KCNIP1: variants seen among roughly 807,000 people sequenced by gnomAD.
KCNIP1 encodes the protein potassium voltage-gated channel interacting protein 1.
In KCNIP1, 18 loss-of-function variants were observed where a neutral mutation model predicts 33.0. That is an observed-to-expected ratio of 0.55 (90% CI 0.38 to 0.81). The LOEUF is 0.81. Among genes scored for constraint, KCNIP1 ranks in the 30% least tolerant of loss-of-function variants. The pLI is 0.00. For synonymous variants in KCNIP1, 93 were observed against 98.3 expected, an observed-to-expected ratio of 0.95 and a Z score of 0.32; for missense variants, 238 against 271.6, an observed-to-expected ratio of 0.88 and a Z score of 0.87.
intron 1 of KCNIP1, among the ~76,000 whole-genome samples, chr5:170,639,795 G>A (rs538760994): frequency 1.1e-4 from 17 of 152,164 alleles, no homozygotes; most frequent in Non-Finnish European, 1.8e-4. Flanking sequence ...CTGCTCTGAC[G>A]TAGTGACTCA....
intron 1 of KCNIP1, among the ~76,000 whole-genome samples, chr5:170,652,531 A>C (rs1761088198): frequency 1.6e-5 from 1 of 60,958 alleles, no homozygotes; most frequent in South Asian, 6.2e-4. Flanking sequence ...AAAAGAAAAA[A>C]GAAAAGAAAA....
intron 1 of KCNIP1, among the ~76,000 whole-genome samples, chr5:170,601,653 C>T (rs999686791): frequency 6.6e-6 from 1 of 152,176 alleles, no homozygotes; most frequent in African/African-American, 2.4e-5. Flanking sequence ...AAAAAGATTG[C>T]ACTCATTTCG....
intron 1 of KCNIP1, among the ~76,000 whole-genome samples, chr5:170,592,984 C>A (rs189258216): frequency 1.3e-5 from 2 of 152,068 alleles, no homozygotes; most frequent in Non-Finnish European, 2.9e-5. Flanking sequence ...AGAAGAAAAT[C>A]AAAGTCAGCA....
intron 1 of KCNIP1, among the ~76,000 whole-genome samples, chr5:170,615,920 G>A (rs1190526307): frequency 6.6e-6 from 1 of 152,206 alleles, no homozygotes; most frequent in African/African-American, 2.4e-5. Context: ...TGGGTTTGTT[G>A]TTGTTTTACT....
chr5:170,454,862 A>G (rs956997295), intron 1 of KCNIP1, among the ~76,000 whole-genome samples: 1 of 152,200 alleles, frequency 6.6e-6, no homozygotes, highest in Admixed American at 6.5e-5. Flanking sequence ...ACAAAGTTCA[A>G]TGAAGGTTAA....
At chr5:170,416,630 G>A (rs1371164374) in intron 1 of KCNIP1, among the ~76,000 whole-genome samples, 1 of 149,870 alleles carries the variant, frequency 6.7e-6, no homozygotes, top group East Asian at 1.9e-4. Flanking sequence ...TATCTCCGGT[G>A]TAAGAAGACA....
intron 1 of KCNIP1, among the ~76,000 whole-genome samples, chr5:170,594,334 T>C (rs1042088911): frequency 2.6e-5 from 4 of 152,118 alleles, no homozygotes; most frequent in Non-Finnish European, 5.9e-5. Context: ...TGTCCCATCT[T>C]GGGTATGTCT....
At chr5:170,710,381 T>C (rs1050509818) in intron 1 of KCNIP1, among the ~76,000 whole-genome samples, 2 of 152,272 alleles carry the variant, frequency 1.3e-5, no homozygotes, top group African/African-American at 4.8e-5. Flanking sequence ...TAGCTTTTTG[T>C]ATATTTTCTT....
chr5:170,715,501 C>T (rs2113863380), intron 1 of KCNIP1, among the ~76,000 whole-genome samples: 1 of 152,278 alleles, frequency 6.6e-6, no homozygotes, highest in East Asian at 1.9e-4. Context: ...TGAGAATTTC[C>T]TGTGTAGCAT....
chr5:170,708,556 AATTACC>A (rs1218269276), intron 1 of KCNIP1, among the ~76,000 whole-genome samples: 13 of 152,196 alleles, frequency 8.5e-5, no homozygotes, highest in Admixed American at 5.2e-4. Context: ...TTTAGTTCAA[AATTACC>A]ATGATTTAAT....
At chr5:170,669,614 G>A (rs1461554876) in intron 1 of KCNIP1, 2 of 985,300 alleles carry the variant, frequency 2.0e-6, no homozygotes, top group Non-Finnish European at 2.4e-6. Context: ...TCAGCAGAAG[G>A]TTATACCATT....
intron 1 of KCNIP1, among the ~76,000 whole-genome samples, chr5:170,593,628 T>C (rs1758342468): frequency 6.6e-6 from 1 of 152,238 alleles, no homozygotes; most frequent in African/African-American, 2.4e-5. Context: ...AGGGAGAATT[T>C]AAGAGGTATT....
chr5:170,734,556 T>C (rs796840259), intron 7 of KCNIP1, among the ~76,000 whole-genome samples: 70 of 152,308 alleles, frequency 4.6e-4, no homozygotes, highest in African/African-American at 1.6e-3. Context: ...TTTCATTAAG[T>C]CTAACCAATA....
intron 1 of KCNIP1, among the ~76,000 whole-genome samples, chr5:170,405,829 G>A (rs1359490772): frequency 6.6e-6 from 1 of 152,134 alleles, no homozygotes; most frequent in Non-Finnish European, 1.5e-5. Context: ...TCCCATCCCA[G>A]GCTGGCTCTC....
At chr5:170,703,720 T>A (rs1249929496) in intron 1 of KCNIP1, among the ~76,000 whole-genome samples, 1 of 138,136 alleles carries the variant, frequency 7.2e-6, no homozygotes, top group Non-Finnish European at 1.5e-5. Context: ...CCCGCTAAAT[T>A]AGCCAAATAC....
chr5:170,666,836 C>T (rs531534337), intron 1 of KCNIP1, among the ~76,000 whole-genome samples: 144 of 152,272 alleles, frequency 9.5e-4, no homozygotes, highest in Non-Finnish European at 1.9e-3. Context: ...TCCAGCAGAC[C>T]GCAGGCCAAG....
At chr5:170,629,076 C>T (rs1759948999) in intron 1 of KCNIP1, among the ~76,000 whole-genome samples, 1 of 152,228 alleles carries the variant, frequency 6.6e-6, no homozygotes, top group Non-Finnish European at 1.5e-5. Flanking sequence ...CCACCTCGCA[C>T]ATCTATGGAT....
chr5:170,438,507 A>T (rs1755916481), intron 1 of KCNIP1, among the ~76,000 whole-genome samples: 1 of 152,130 alleles, frequency 6.6e-6, no homozygotes, highest in South Asian at 2.1e-4. Flanking sequence ...AAAATTGCCC[A>T]CGGACCTGCC....
intron 1 of KCNIP1, among the ~76,000 whole-genome samples, chr5:170,410,498 G>T (rs1755157536): frequency 6.8e-6 from 1 of 146,442 alleles, no homozygotes; most frequent in Non-Finnish European, 1.5e-5. Context: ...GAATAGGAAG[G>T]CTGGCTTTTT....
Sources: gnomAD v4.1 joint callset for allele counts (sites outside exome capture counted in the v4.1 genomes callset) on GRCh38, gnomAD v4.1.1 for gene constraint, MANE v1.5 for transcripts, NCBI Gene and HGNC (gene_info 2026-07-23, HGNC 2026-07-21) for gene names.